Variants in JADE2 observed in about 807,000 individuals in gnomAD.
The protein encoded by JADE2 is E3 ubiquitin-protein ligase Jade-2.
In JADE2, 13 loss-of-function variants were observed where a neutral mutation model predicts 85.7. That is an observed-to-expected ratio of 0.15 (90% CI 0.10 to 0.24). JADE2 has a LOEUF of 0.24. Among genes scored for constraint, JADE2 ranks in the 10% least tolerant of loss-of-function variants. JADE2 has a pLI of 1.00. For missense variants in JADE2, 846 were observed against 1,115.9 expected (o/e 0.76, Z 3.45); for synonymous variants, 440 against 456.1 (o/e 0.96, Z 0.45).
At chr5:134,526,658 C>T (rs1241736029) in intron 1 of JADE2, 1 of 985,354 alleles carries the variant, frequency 1.0e-6, no homozygotes, top group Non-Finnish European at 1.2e-6. Context: ...GCCCGGTGCA[C>T]GCGGGCGCTG....
chr5:134,577,840 C>T (rs1197514566), intron 11 of JADE2, among the ~76,000 whole-genome samples: 4 of 152,194 alleles, frequency 2.6e-5, no homozygotes, highest in Non-Finnish European at 5.9e-5. Flanking sequence ...TCTCACTTGC[C>T]TCCCCTCTCC....
chr5:134,556,656 A>G (rs1314261807), intron 4 of JADE2, among the ~76,000 whole-genome samples: 2 of 83,742 alleles, frequency 2.4e-5, no homozygotes, highest in African/African-American at 1.0e-4. Flanking sequence ...CACAAAACAC[A>G]CCCCACACAT....
At position 134,566,358 on chromosome 5, in the gene JADE2, C is replaced by T. The variant is rs1020255402; in HGVS notation, c.1212C>T (p.Phe404=). The T allele has an allele frequency of 6.2e-7, 1 of 1,614,034 alleles. No individual in the cohort carries two copies. The highest frequency in any genetic ancestry group is 1.3e-5 in the African/African-American group (1 of 75,030). The part of the protein sequence containing the change: ...KQRLQQLEED[F]YELVEPAEVA... ...GGCTGCAGCAGCTAGAGGAGGACTT[C>T]TACGAGCTGGTGGAGCCGGCTGAGG... The change falls in exon 9 of 12, where the codon TTC becomes TTT. Residue 404 remains phenylalanine (F), a synonymous_variant. Transcript: ENST00000681547. This position sits in a 1 kb window ranked among gnomAD's most constrained non-coding sequence, Gnocchi z 6.7.
At chr5:134,561,843 G>A (rs893084674) in intron 6 of JADE2, among the ~76,000 whole-genome samples, 9 of 152,148 alleles carry the variant, frequency 5.9e-5, no homozygotes, top group African/African-American at 1.4e-4. Flanking sequence ...TTGTTTCCAG[G>A]AAGTACACAC....
chr5:134,573,410 G>A (rs1764160659), intron 9 of JADE2, among the ~76,000 whole-genome samples: 1 of 152,210 alleles, frequency 6.6e-6, no homozygotes, highest in Non-Finnish European at 1.5e-5. Flanking sequence ...GGCTCAGCCG[G>A]GGACCACAGG....
chr5:134,528,337 C>A (rs762742924), intron 1 of JADE2, among the ~76,000 whole-genome samples: 1 of 152,142 alleles, frequency 6.6e-6, no homozygotes, highest in Non-Finnish European at 1.5e-5. Context: ...CCCTGACTTT[C>A]TTTCTCACCT....
At chr5:134,525,319 G>A (rs1040831996), upstream of JADE2, among the ~76,000 whole-genome samples, 5 of 152,180 alleles carry the variant, frequency 3.3e-5, no homozygotes, top group East Asian at 5.8e-4. Flanking sequence ...TTGCACGGGC[G>A]CAGCCGCCGC....
intron 3 of JADE2, among the ~76,000 whole-genome samples, chr5:134,547,503 C>T (rs1762361146): frequency 6.6e-6 from 1 of 152,238 alleles, no homozygotes; most frequent in Admixed American, 6.5e-5. Context: ...CACAGCAAGG[C>T]TTCTCGTTCA....
intron 1 of JADE2, among the ~76,000 whole-genome samples, chr5:134,531,770 A>C (rs1761251248): frequency 6.7e-6 from 1 of 149,654 alleles, no homozygotes; most frequent in Non-Finnish European, 1.5e-5. Flanking sequence ...TTTAGTAGAG[A>C]CGGGGTTTCA....
intron 3 of JADE2, among the ~76,000 whole-genome samples, chr5:134,545,395 G>C (rs908356616): frequency 6.6e-6 from 1 of 150,702 alleles, no homozygotes; most frequent in Non-Finnish European, 1.5e-5. Context: ...ATAAAAGAAA[G>C]AGACGTTGAG....
intron 1 of JADE2, among the ~76,000 whole-genome samples, chr5:134,527,882 G>A (rs1320690157): frequency 2.0e-5 from 3 of 152,188 alleles, no homozygotes; most frequent in Admixed American, 6.5e-5. Flanking sequence ...ACTGCGGCCG[G>A]CGATTCTGGT....
intron 7 of JADE2, chr5:134,564,260 T>A (rs1358584333): frequency 2.5e-6 from 1 of 399,578 alleles, no homozygotes; most frequent in Non-Finnish European, 4.6e-6. Flanking sequence ...TTAAGATTAG[T>A]CTCAGATGAG....
intron 5 of JADE2, among the ~76,000 whole-genome samples, 198 bp from the exon 6 acceptor site, chr5:134,560,546 CAG>C (rs1353770461): frequency 6.6e-6 from 1 of 152,218 alleles, no homozygotes; most frequent in East Asian, 1.9e-4. Context: ...CAGGACAGGT[CAG>C]GGGCCTTTGA....
At chr5:134,532,033 C>G (rs991437113) in intron 1 of JADE2, among the ~76,000 whole-genome samples, 1 of 151,724 alleles carries the variant, frequency 6.6e-6, no homozygotes. Context: ...CACAGGCACA[C>G]GCCACCATGC....
rs1420690799 is a variant in JADE2, at chr5:134,581,008, C to G, written c.*1691C>G. On this transcript the variant is annotated 3_prime_UTR_variant, in exon 12 of 12. Transcript: ENST00000681547. Reference sequence around the variant, plus strand: ...TTCCCTCCTCCCCAAATACATAAAGCAAATAAGCAGGATGGGGAACAGCTT... The same window carrying G: ...TTCCCTCCTCCCCAAATACATAAAGGAAATAAGCAGGATGGGGAACAGCTT... 1 of 152,604 alleles carries G rather than the reference C, an allele frequency of 6.6e-6. No homozygotes were observed. Among genetic ancestry groups the G allele is most frequent in the Non-Finnish European group, 1.5e-5 (1 of 68,060 alleles). 9.5% of individuals were successfully genotyped at this position (152,604 alleles called of 1,614,324 possible).
Position 134,578,737 on chromosome 5 carries a change from C to A in JADE2, c.1925C>A (p.Thr642Asn), listed in dbSNP as rs764884917. 4.3e-6 allele frequency: 7 copies of A among 1,613,428 alleles called. No individual in the cohort carries two copies. The Admixed American group carries it at 6.7e-5, about 15-fold the overall frequency. Reference protein sequence around the residue: ...GDPARKARGRTRLPAKKKPPP... With the variant: ...GDPARKARGRNRLPAKKKPPP... ...CCTGCTAGGAAGGCCCGAGGCCGCA[C>A]CCGCCTGCCTGCCAAGAAGAAACCA... Residue 642 changes from threonine (T) to asparagine (N), a missense_variant, in exon 12 of 12, where the codon ACC becomes AAC. Physicochemically the swap from Thr to Asn is moderately conservative, Grantham distance 65. Coordinates refer to ENST00000681547, the MANE Select transcript of JADE2 (RefSeq NM_001388185.1). This position sits in a 1 kb window ranked among gnomAD's most constrained non-coding sequence, Gnocchi z 4.4.
chr5:134,560,711 C>T (rs1016776043), intron 5 of JADE2, 35 bp from the exon 6 acceptor site: 1 of 1,585,172 alleles, frequency 6.3e-7, no homozygotes, highest in Non-Finnish European at 8.6e-7. Flanking sequence ...AGGCTGGGCT[C>T]CTAACACCAC....
Position 134,559,923 on chromosome 5 carries a change from C to T in JADE2, c.405C>T (p.Ser135=). ...CCCAGCCTGATTGGCCAGGGGGCAG[C>T]CGCTATGACTTGGACGAGATTGATG... ...EGSQPDWPGG[S]RYDLDEIDAY... Residue 135 remains serine, a synonymous_variant, in exon 5 of 12, where the codon AGC becomes AGT. Coordinates refer to ENST00000681547, the MANE Select transcript of JADE2 (RefSeq NM_001388185.1). 6.2e-7 allele frequency: 1 copy of T among 1,613,986 alleles called. No individual in the cohort carries two copies.
rs1764689528 is a variant in JADE2, at chr5:134,581,075, C to T, written c.*1758C>T. On this transcript the variant is annotated 3_prime_UTR_variant, in exon 12 of 12. Transcript: ENST00000681547. Reference sequence around the variant, plus strand: ...TAACTCCAAAACTATCAAGGTACGACAGTGGCATTGTCATCGACACTCAAT... The same window carrying T: ...TAACTCCAAAACTATCAAGGTACGATAGTGGCATTGTCATCGACACTCAAT... 1 of 152,632 alleles carries T rather than the reference C, an allele frequency of 6.6e-6. No individual in the cohort carries two copies. Among genetic ancestry groups the T allele is most frequent in the Non-Finnish European group, 1.5e-5 (1 of 68,056 alleles). 9.5% of individuals were successfully genotyped at this position (152,632 alleles called of 1,614,324 possible).
Sources: gnomAD v4.1 joint callset for allele counts (sites outside exome capture counted in the v4.1 genomes callset) on GRCh38, gnomAD v4.1.1 for gene constraint, Gnocchi (gnomAD v3.1) non-coding constraint, MANE v1.5 for transcripts, NCBI Gene and HGNC (gene_info 2026-07-23, HGNC 2026-07-21) for gene names.